KRCC1: variants seen among roughly 807,000 people sequenced by gnomAD.
KRCC1 encodes the protein lysine-rich coiled-coil protein 1.
Under a neutral mutation model 7.4 loss-of-function variants are expected in KRCC1, and 3 were observed. That is an observed-to-expected ratio of 0.40 (90% CI 0.18 to 1.04). The LOEUF is 1.04. Among genes scored for constraint, KRCC1 ranks in the 50% least tolerant of loss-of-function variants. KRCC1 has a pLI of 0.33. For missense variants in KRCC1, 277 were observed against 300.9 expected, an observed-to-expected ratio of 0.92 and a Z score of 0.59; for synonymous variants, 102 against 101.6, an observed-to-expected ratio of 1.00 and a Z score of -0.02.
chr2:88,054,597 A>G (rs1375116928), intron 1 of KRCC1, among the ~76,000 whole-genome samples: 1 of 152,062 alleles, frequency 6.6e-6, no homozygotes, highest in Non-Finnish European at 1.5e-5. Flanking sequence ...CGTTTTTACA[A>G]TGATCAGCAC....
At position 88,027,606 on chromosome 2, in the gene KRCC1, TGAG is replaced by T; in HGVS notation, c.*175_*177del. ...AAAATGTAATAATGCTTTTAGAAAATGAGGAAAAGCAATTTCTGTGTTGGAGAG... is the reference window on the plus strand; with the variant it reads ...AAAATGTAATAATGCTTTTAGAAAATGAAAAGCAATTTCTGTGTTGGAGAG... On this transcript the variant is annotated 3_prime_UTR_variant, in exon 4 of 4. Transcript: ENST00000347055. 2.0e-6 allele frequency: 1 copy of T among 489,852 alleles called. No individual in the cohort carries two copies. Among genetic ancestry groups the T allele is most frequent in the Non-Finnish European group, 3.5e-6 (1 of 282,942 alleles). The allele number at this position is 489,852 out of a possible 1,614,324, so 30.3% of individuals were successfully genotyped here. A position where few individuals can be genotyped will look rare whatever the true frequency, so the allele number is the denominator to read the frequency against.
At chr2:88,049,015 G>C (rs1036989174) in intron 1 of KRCC1, among the ~76,000 whole-genome samples, 2 of 152,148 alleles carry the variant, frequency 1.3e-5, no homozygotes, top group African/African-American at 4.8e-5. Context: ...TGTTAATCTT[G>C]CTTTTTCAGG....
intron 1 of KRCC1, among the ~76,000 whole-genome samples, chr2:88,045,634 C>T (rs1673312376): frequency 6.6e-6 from 1 of 151,682 alleles, no homozygotes; most frequent in Non-Finnish European, 1.5e-5. Flanking sequence ...TGACATTTTG[C>T]TTATGATAGT....
chr2:88,029,450 A>T (rs577242568), intron 3 of KRCC1, among the ~76,000 whole-genome samples: 1 of 152,110 alleles, frequency 6.6e-6, no homozygotes, highest in Non-Finnish European at 1.5e-5. Flanking sequence ...ATTCAGTTAT[A>T]AGATGAAAAC....
Position 88,027,745 on chromosome 2 carries a change from T to A in KRCC1, c.*39A>T. ...ATCATAAAACCAAGCTCTCACCTAT[T>A]TTTTCAATTTAACTTTGGGAGAACC... On this transcript the variant is annotated 3_prime_UTR_variant, in exon 4 of 4. Coordinates refer to ENST00000347055, the MANE Select transcript of KRCC1 (RefSeq NM_016618.3). 6.5e-7 allele frequency: 1 copy of A among 1,529,408 alleles called. No individual in the cohort carries two copies. The highest frequency in any genetic ancestry group is 8.8e-7 in the Non-Finnish European group (1 of 1,142,192). 94.7% of individuals were successfully genotyped at this position (1,529,408 alleles called of 1,614,324 possible).
At chr2:88,049,230 A>G (rs183153656) in intron 1 of KRCC1, among the ~76,000 whole-genome samples, 4 of 152,358 alleles carry the variant, frequency 2.6e-5, no homozygotes, top group African/African-American at 7.2e-5. Context: ...GCCAATAATC[A>G]TAAGTACTCT....
chr2:88,031,693 A>G (rs1302177046), intron 3 of KRCC1, among the ~76,000 whole-genome samples: 1 of 152,096 alleles, frequency 6.6e-6, no homozygotes, highest in Non-Finnish European at 1.5e-5. Context: ...AAAGATATAA[A>G]GAAATAAAAT....
At chr2:88,049,906 C>T (rs961882230) in intron 1 of KRCC1, among the ~76,000 whole-genome samples, 1 of 152,238 alleles carries the variant, frequency 6.6e-6, no homozygotes, top group African/African-American at 2.4e-5. Flanking sequence ...CTGTAACAAA[C>T]ATGTCATGTG....
At chr2:88,039,363 A>T (rs1673156973) in intron 1 of KRCC1, among the ~76,000 whole-genome samples, 1 of 152,168 alleles carries the variant, frequency 6.6e-6, no homozygotes, top group African/African-American at 2.4e-5. Flanking sequence ...TAAATCAGAA[A>T]CATTTTAGAA....
chr2:88,049,538 C>T (rs1040962702), intron 1 of KRCC1, among the ~76,000 whole-genome samples: 1 of 152,134 alleles, frequency 6.6e-6, no homozygotes, highest in Non-Finnish European at 1.5e-5. Flanking sequence ...GTCCCACCTA[C>T]TTAGGAGGCT....
Position 88,031,441 on chromosome 2 carries a change from G to A in KRCC1, c.-23+2693C>T, listed in dbSNP as rs1672988755. On this transcript the variant is annotated intron_variant, in intron 3 of 3. Coordinates refer to ENST00000347055, the MANE Select transcript of KRCC1 (RefSeq NM_016618.3). ...GTTCGAGACCAGCCTGGCCAATATC[G>A]TGAAACCCCGACTCTACTAAAAATA... Among the ~76,000 whole-genome samples, 5 of 151,990 alleles carry A rather than the reference G, an allele frequency of 3.3e-5. No individual in the cohort carries two copies. The South Asian group carries it at 6.2e-4, about 19-fold the overall frequency.
At chr2:88,036,009 T>C (rs1673083580) in intron 2 of KRCC1, among the ~76,000 whole-genome samples, 1 of 152,158 alleles carries the variant, frequency 6.6e-6, no homozygotes. Flanking sequence ...CCAAGTTCTC[T>C]CAATCCAAGG....
chr2:88,038,450 A>T (rs959629937), intron 1 of KRCC1, among the ~76,000 whole-genome samples: 7 of 152,232 alleles, frequency 4.6e-5, no homozygotes, highest in African/African-American at 1.7e-4. Flanking sequence ...TCTCTAGGGT[A>T]TAACATGGAG....
Position 88,051,406 on chromosome 2 carries a change from CTT to C in KRCC1, c.-291+4218_-291+4219del, listed in dbSNP as rs1410280269. 5.9e-5 allele frequency among the ~76,000 whole-genome samples: 9 copies of C among 152,286 alleles called. No individual in the cohort carries two copies. The East Asian group carries it at 1.7e-3, about 29-fold the overall frequency. ...TTTAATAACTGGAAACATGACAATT[CTT>C]TGATACCTTTGGAGGAATCTGCTAA... On this transcript the variant is annotated intron_variant, in intron 1 of 3. Coordinates refer to ENST00000347055, the MANE Select transcript of KRCC1 (RefSeq NM_016618.3).
intron 1 of KRCC1, among the ~76,000 whole-genome samples, chr2:88,048,373 G>T (rs1297119772): frequency 6.6e-6 from 1 of 151,980 alleles, no homozygotes; most frequent in Non-Finnish European, 1.5e-5. Flanking sequence ...TATTGGGCCT[G>T]GCCTCAACGT....
chr2:88,055,594 G>C (rs1673604416), intron 1 of KRCC1, 32 bp downstream of exon 1: 1 of 152,260 alleles, frequency 6.6e-6, no homozygotes, highest in Non-Finnish European at 1.5e-5. Flanking sequence ...GCTGAAGACC[G>C]GGCCGCCCCC....
In KRCC1 at chr2:88,028,409, G is replaced by A. The variant is rs1672922729; in HGVS notation, c.155C>T (p.Ser52Phe). Residue 52 changes from serine to phenylalanine, a missense_variant, in exon 4 of 4, where the codon TCC becomes TTC. Ser to Phe is a radical substitution (Grantham distance 155). Transcript: ENST00000347055. Reference protein sequence around the residue: ...ETCGYKGEVNSRPTYRMFDQR... With the variant: ...ETCGYKGEVNFRPTYRMFDQR... ...GTCAAACATTCTATACGTGGGTCTGGAATTAACCTCTCCTTTGTACCCACA... is the reference window on the plus strand; with the variant it reads ...GTCAAACATTCTATACGTGGGTCTGAAATTAACCTCTCCTTTGTACCCACA... 6.2e-7 allele frequency: 1 copy of A among 1,613,966 alleles called. No individual in the cohort carries two copies. Among genetic ancestry groups the A allele is most frequent in the Non-Finnish European group, 8.5e-7 (1 of 1,180,020 alleles).
Position 88,028,431 on chromosome 2 carries a change from C to T in KRCC1, c.133G>A (p.Gly45Arg). 2 of 1,614,118 alleles carry T rather than the reference C, an allele frequency of 1.2e-6. No individual in the cohort carries two copies. The highest frequency in any genetic ancestry group is 1.7e-6 in the Non-Finnish European group (2 of 1,180,022). ...CTGGAATTAACCTCTCCTTTGTACC[C>T]ACAGGTTTCCAAATAGTCCCCTTTC... ...KMKGDYLETC[G>R]YKGEVNSRPT... Residue 45 changes from glycine (G) to arginine (R), a missense_variant, in exon 4 of 4, where the codon GGG (glycine) becomes AGG (arginine). Coordinates refer to ENST00000347055, the MANE Select transcript of KRCC1 (RefSeq NM_016618.3).
intron 1 of KRCC1, among the ~76,000 whole-genome samples, chr2:88,053,965 T>C (rs1297420059): frequency 6.6e-6 from 1 of 152,218 alleles, no homozygotes; most frequent in Non-Finnish European, 1.5e-5. Context: ...AATTTGATAC[T>C]GAACATGGCT....
Sources: allele counts gnomAD v4.1 joint callset (sites outside exome capture counted in the v4.1 genomes callset), GRCh38; gene constraint gnomAD v4.1.1; transcripts MANE v1.5; gene names NCBI Gene and HGNC (gene_info 2026-07-23, HGNC 2026-07-21).